NSUN6: variants seen among roughly 807,000 people sequenced by gnomAD.
NSUN6 encodes the protein tRNA (cytosine(72)-C(5))-methyltransferase NSUN6.
Under a neutral mutation model 58.0 loss-of-function variants are expected in NSUN6, and 64 were observed. The observed-to-expected ratio is 1.10, with a 90% CI of 0.90 to 1.36. The LOEUF (loss-of-function observed/expected upper bound fraction) is 1.36, where lower values mean the gene tolerates loss of function less well. Among genes scored for constraint, NSUN6 ranks in the 40% most tolerant of loss-of-function variants. NSUN6 has a pLI of 0.00. For synonymous variants in NSUN6, 231 were observed against 193.9 expected (o/e 1.19, Z -1.59); for missense variants, 701 against 550.1 (o/e 1.27, Z -2.74).
chr10:18,557,449 A>G (rs907068830), intron 8 of NSUN6, among the ~76,000 whole-genome samples: 3 of 150,456 alleles, frequency 2.0e-5, no homozygotes, highest in Non-Finnish European at 4.5e-5. Flanking sequence ...ATGAAATGGA[A>G]TGGAGAATGG....
At chr10:18,651,869 G>A (rs1304102569), upstream of NSUN6, 20 of 985,326 alleles carry the variant, frequency 2.0e-5, no homozygotes, top group Non-Finnish European at 2.4e-5. Flanking sequence ...TGGGGAAACA[G>A]CCAAATGGCG....
chr10:18,555,149 G>A (rs544632897), intron 8 of NSUN6, among the ~76,000 whole-genome samples: 1 of 150,568 alleles, frequency 6.6e-6, no homozygotes, highest in South Asian at 2.1e-4. Flanking sequence ...AATGGAGAAT[G>A]GAATGGAGGA....
At chr10:18,564,947 C>T (rs1367627146) in intron 8 of NSUN6, among the ~76,000 whole-genome samples, 1 of 147,390 alleles carries the variant, frequency 6.8e-6, no homozygotes. Context: ...CATTTCATTG[C>T]ATTCTATTCT....
rs772688335 is a variant in NSUN6, at chr10:18,545,889, C to G, written c.*44G>C. The G allele has an allele frequency of 4.0e-6, 3 of 751,422 alleles. No individual in the cohort carries two copies. Among genetic ancestry groups the G allele is most frequent in the Non-Finnish European group, 6.0e-6 (3 of 501,230 alleles). The allele number at this position is 751,422 out of a possible 1,614,324, so 46.5% of individuals were successfully genotyped here. A position where few individuals can be genotyped will look rare whatever the true frequency, so the allele number is the denominator to read the frequency against. On this transcript the variant is annotated 3_prime_UTR_variant, in exon 11 of 11. Coordinates refer to ENST00000377304, the MANE Select transcript of NSUN6 (RefSeq NM_182543.5). ...TGGTTAAAAAAAAAAAAACCACAGA[C>G]AGCAAATGTTTGGAATTTTCATTTC...
At chr10:18,588,649 G>T (rs1030593720) in intron 7 of NSUN6, among the ~76,000 whole-genome samples, 2 of 152,170 alleles carry the variant, frequency 1.3e-5, no homozygotes, top group African/African-American at 4.8e-5. Flanking sequence ...GTCTGGGGTG[G>T]ACCTCCAGCA....
chr10:18,555,233 T>A (rs1589830475), intron 8 of NSUN6, among the ~76,000 whole-genome samples: 1 of 143,662 alleles, frequency 7.0e-6, no homozygotes, highest in Admixed American at 7.0e-5. Flanking sequence ...TGAAATGGAA[T>A]AGAGTGGAGA....
At chr10:18,621,449 G>A (rs1335705467) in intron 3 of NSUN6, among the ~76,000 whole-genome samples, 1 of 152,136 alleles carries the variant, frequency 6.6e-6, no homozygotes, top group African/African-American at 2.4e-5. Flanking sequence ...ATAGACACCA[G>A]GACTGACAAT....
At chr10:18,623,301 T>C (rs1287242025) in intron 3 of NSUN6, among the ~76,000 whole-genome samples, 1 of 152,062 alleles carries the variant, frequency 6.6e-6, no homozygotes, top group Non-Finnish European at 1.5e-5. Context: ...TACTAAAAAA[T>C]CAGAGGAAGA....
In NSUN6 at chr10:18,573,811, C is replaced by T. The variant is rs757405914; in HGVS notation, c.922+12138G>A. On this transcript the variant is annotated intron_variant, in intron 8 of 10. Transcript: ENST00000377304. ...AGTGAAGAATAAGGTGTGAACAAAT[C>T]GAGGGAATCACGTCCCTACCCTTGC... Among the ~76,000 whole-genome samples, 14 of 152,132 alleles carry T rather than the reference C, an allele frequency of 9.2e-5. No individual in the cohort carries two copies. In the East Asian group the frequency reaches 1.4e-3, roughly 15 times the overall value.
At chr10:18,586,189 T>C in intron 7 of NSUN6, 96 bp from the exon 8 acceptor site, 2 of 1,025,406 alleles carry the variant, frequency 2.0e-6, no homozygotes, top group South Asian at 1.8e-5. Flanking sequence ...TGAAAAATTA[T>C]GGTCTTTTCC....
chr10:18,571,937 C>CTCCAT (rs749878620), intron 8 of NSUN6, among the ~76,000 whole-genome samples: 1 of 151,050 alleles, frequency 6.6e-6, no homozygotes, highest in African/African-American at 2.4e-5. Context: ...CCATTCCATT[C>CTCCAT]TCCATTCCAT....
intron 9 of NSUN6, among the ~76,000 whole-genome samples, chr10:18,549,490 C>G (rs1270633260): frequency 2.0e-5 from 3 of 152,164 alleles, no homozygotes; most frequent in Non-Finnish European, 2.9e-5. Flanking sequence ...CTCCATAGGG[C>G]CATTGCATTA....
intron 8 of NSUN6, among the ~76,000 whole-genome samples, chr10:18,579,574 A>T (rs1296430344): frequency 6.6e-6 from 1 of 152,220 alleles, no homozygotes; most frequent in Non-Finnish European, 1.5e-5. Context: ...TATTTTACCA[A>T]GGTTAAGAAT....
At chr10:18,574,117 C>T (rs550068163) in intron 8 of NSUN6, among the ~76,000 whole-genome samples, 7 of 152,160 alleles carry the variant, frequency 4.6e-5, no homozygotes, top group South Asian at 4.2e-4. Context: ...CTCAAGAACA[C>T]GGAGGCTGCC....
intron 8 of NSUN6, among the ~76,000 whole-genome samples, chr10:18,556,312 G>GGAGAATGAAATGGAATA (rs1554850414): frequency 6.7e-6 from 1 of 149,826 alleles, no homozygotes. Flanking sequence ...GGAATGCAAT[G>GGAGAATGAAATGGAATA]GAGAATGGAA....
rs527862200 is a variant in NSUN6 at position 18,558,070 on chromosome 10, AGAATG to A, written c.923-6104_923-6100del. On this transcript the variant is annotated intron_variant, in intron 8 of 10. Coordinates refer to ENST00000377304, the MANE Select transcript of NSUN6 (RefSeq NM_182543.5). ...TGGAATGGAATGCAGAATGGAATAG[AGAATG>A]GAATGGAATGAAGAATGGAGAATGG... is the stretch of plus-strand genomic sequence containing the variant. Among the ~76,000 whole-genome samples, 147 of 151,408 alleles carry A rather than the reference AGAATG, an allele frequency of 9.7e-4. 2 individuals are homozygous for A. The Middle Eastern group carries it at 0.072, about 74-fold the overall frequency.
chr10:18,609,811 T>C (rs745728292), intron 6 of NSUN6, 34 bp downstream of exon 6: 1 of 1,102,190 alleles, frequency 9.1e-7, no homozygotes, highest in South Asian at 1.3e-5. Flanking sequence ...TATGTTTCAA[T>C]GTCACTAAAT....
rs759796389 is a variant in NSUN6, at chr10:18,545,993, C to G, written c.1350G>C (p.Leu450=). 6.3e-7 allele frequency: 1 copy of G among 1,582,610 alleles called. No homozygotes were observed. The highest frequency in any genetic ancestry group is 8.5e-7 in the Non-Finnish European group (1 of 1,171,668). Residue 450 remains leucine, a synonymous_variant, in exon 11 of 11, where the codon CTG becomes CTC. Transcript: ENST00000377304. ...REARREDMLR[L]ANKDSIGFFI... is the part of the protein sequence containing the mutation. The stretch of plus-strand genomic sequence containing the variant: ...AAAAACCTATAGAGTCCTTATTAGC[C>G]AGACGCAACATGTCTTCTCTTCTGG...
chr10:18,562,998 T>G (rs1589866303), intron 8 of NSUN6, among the ~76,000 whole-genome samples: 1 of 136,530 alleles, frequency 7.3e-6, no homozygotes, highest in East Asian at 2.2e-4. Context: ...GAATGGAAAA[T>G]GTAACAAATG....
Sources: gnomAD v4.1 joint callset for allele counts (sites outside exome capture counted in the v4.1 genomes callset) on GRCh38, gnomAD v4.1.1 for gene constraint, MANE v1.5 for transcripts, NCBI Gene and HGNC (gene_info 2026-07-23, HGNC 2026-07-21) for gene names.